CCDC85C: variants seen among roughly 807,000 people sequenced by gnomAD.
The protein encoded by CCDC85C is coiled-coil domain containing 85C.
Under a neutral mutation model 38.3 loss-of-function variants are expected in CCDC85C, and 18 were observed. The observed-to-expected ratio is 0.47, with a 90% CI of 0.33 to 0.70. CCDC85C has a LOEUF of 0.70. Among genes scored for constraint, CCDC85C ranks in the 30% least tolerant of loss-of-function variants. The pLI is 0.03. For missense variants in CCDC85C, 566 were observed against 621.2 expected, an observed-to-expected ratio of 0.91 and a Z score of 0.94; for synonymous variants, 264 against 293.8, an observed-to-expected ratio of 0.90 and a Z score of 1.04.
chr14:99,595,811 C>T (rs1255675029), intron 1 of CCDC85C, among the ~76,000 whole-genome samples: 3 of 152,238 alleles, frequency 2.0e-5, no homozygotes, highest in Non-Finnish European at 4.4e-5. Flanking sequence ...CATCCTGGGC[C>T]TGTTCCTTAG....
intron 1 of CCDC85C, among the ~76,000 whole-genome samples, chr14:99,562,678 G>A (rs1339099792): frequency 1.3e-5 from 2 of 152,126 alleles, no homozygotes; most frequent in Admixed American, 6.5e-5. Flanking sequence ...GGGTTCTCAC[G>A]GAAACAGAAG....
intron 2 of CCDC85C, among the ~76,000 whole-genome samples, chr14:99,526,414 G>T (rs1244878116): frequency 6.6e-6 from 1 of 152,226 alleles, no homozygotes; most frequent in East Asian, 1.9e-4. Flanking sequence ...GGCTGGGATG[G>T]GAGCCAGGTT....
At position 99,548,296 on chromosome 14, in the gene CCDC85C, T is replaced by C. The variant is rs1024664370; in HGVS notation, c.794-12208A>G. Among the ~76,000 whole-genome samples the C allele has an allele frequency of 1.3e-5, 2 of 151,764 alleles. No homozygotes were observed. Among genetic ancestry groups the C allele is most frequent in the African/African-American group, 4.8e-5 (2 of 41,312 alleles). On this transcript the variant is annotated intron_variant, in intron 1 of 5. Coordinates refer to ENST00000380243, the MANE Select transcript of CCDC85C (RefSeq NM_001144995.2). The surrounding 1 kb of genome is among the most constrained non-coding windows in gnomAD (Gnocchi z 4.9). ...ACGAATCCTGGATAGCCAAGAAGTCTGTGAGGAGACGCCCAACCGCAGGTG... is the reference window on the plus strand; with the variant it reads ...ACGAATCCTGGATAGCCAAGAAGTCCGTGAGGAGACGCCCAACCGCAGGTG...
chr14:99,546,251 C>T (rs114466979), intron 1 of CCDC85C, among the ~76,000 whole-genome samples: 1,584 of 152,042 alleles, frequency 0.01, 31 homozygotes, highest in African/African-American at 0.035. Context: ...GATGCCCTGC[C>T]CCCACAGCTC....
rs1266411953 is a variant in CCDC85C, at chr14:99,603,047, G to A, written c.793+120C>T. ...CCTGGCCCAGGATCCATGACAGCTG[G>A]AGGAGTCTGGAGTGGCGGCCGCATG... On this transcript the variant is annotated intron_variant, in intron 1 of 5. Transcript: ENST00000380243. This position sits in a 1 kb window ranked among gnomAD's most constrained non-coding sequence, Gnocchi z 7.5. The A allele has an allele frequency of 8.4e-7, 1 of 1,195,382 alleles. No homozygotes were observed. The highest frequency in any genetic ancestry group is 1.1e-6 in the Non-Finnish European group (1 of 948,322). 74.0% of individuals were successfully genotyped at this position (1,195,382 alleles called of 1,614,324 possible).
intron 1 of CCDC85C, among the ~76,000 whole-genome samples, chr14:99,543,511 A>T (rs966824410): frequency 6.6e-6 from 1 of 152,196 alleles, no homozygotes; most frequent in Non-Finnish European, 1.5e-5. Flanking sequence ...GGGGCAGAGA[A>T]CAGGGTGTGC....
rs1897233704 is a variant in CCDC85C at position 99,516,828 on chromosome 14, G to A, written c.1071+260C>T. 6.6e-6 allele frequency among the ~76,000 whole-genome samples: 1 copy of A among 152,072 alleles called. No individual in the cohort carries two copies. The highest frequency in any genetic ancestry group is 2.4e-5 in the African/African-American group (1 of 41,380). Reference sequence around the variant, plus strand: ...TGCCCCTCTCTCTCTGGCCTTAGTTGGGTGCCTGCCCTCCCCGACCCCAGG... The same window carrying A: ...TGCCCCTCTCTCTCTGGCCTTAGTTAGGTGCCTGCCCTCCCCGACCCCAGG... On this transcript the variant is annotated intron_variant, in intron 4 of 5. Coordinates refer to ENST00000380243, the MANE Select transcript of CCDC85C (RefSeq NM_001144995.2). This position sits in a 1 kb window ranked among gnomAD's most constrained non-coding sequence, Gnocchi z 5.5.
chr14:99,538,901 C>G (rs1374926785), intron 1 of CCDC85C, among the ~76,000 whole-genome samples: 2 of 152,158 alleles, frequency 1.3e-5, no homozygotes, highest in African/African-American at 4.8e-5. Context: ...CCATAGCCAG[C>G]ACCTCACCTC....
At chr14:99,517,928 G>A (rs1486902215) in intron 3 of CCDC85C, among the ~76,000 whole-genome samples, 2 of 152,208 alleles carry the variant, frequency 1.3e-5, no homozygotes, top group African/African-American at 2.4e-5. Context: ...AGAGGCTTGG[G>A]AGGAACTTAC....
At chr14:99,537,065 T>C (rs946858592) in intron 1 of CCDC85C, among the ~76,000 whole-genome samples, 4 of 152,098 alleles carry the variant, frequency 2.6e-5, no homozygotes, top group African/African-American at 9.7e-5. Context: ...GAAGCAAGGC[T>C]GTCCCAAGTA....
chr14:99,503,081 C>T lies in CCDC85C; in HGVS notation c.*12165G>A, dbSNP rs189193359. ...ATTTCTAAGCGAGCACAGGGAACAC[C>T]GGAAGCAGGGGGTGTTCGCCGAAAC... On this transcript the variant is annotated 3_prime_UTR_variant, in exon 6 of 6. Transcript: ENST00000380243. 1.4e-5 allele frequency: 19 copies of T among 1,364,512 alleles called. No homozygotes were observed. Among genetic ancestry groups the T allele is most frequent in the Admixed American group, 5.0e-5 (3 of 59,660 alleles). 84.5% of individuals were successfully genotyped at this position (1,364,512 alleles called of 1,614,324 possible).
intron 1 of CCDC85C, among the ~76,000 whole-genome samples, chr14:99,541,355 G>C (rs1293779838): frequency 6.6e-6 from 1 of 152,238 alleles, no homozygotes; most frequent in Admixed American, 6.5e-5. Flanking sequence ...ACAGGGGGCA[G>C]AGCATCCTGG....
chr14:99,515,679 G>A (rs1343377063), intron 5 of CCDC85C, among the ~76,000 whole-genome samples: 2 of 152,020 alleles, frequency 1.3e-5, no homozygotes, highest in Non-Finnish European at 1.5e-5. Context: ...CTCCTTCCCC[G>A]ATGGCTCCTG....
At chr14:99,566,010 C>G (rs145632379) in intron 1 of CCDC85C, among the ~76,000 whole-genome samples, 1 of 152,346 alleles carries the variant, frequency 6.6e-6, no homozygotes, top group Non-Finnish European at 1.5e-5. Flanking sequence ...GCCGAAATGT[C>G]CTGGGCACCG....
rs1897170726 is a variant in CCDC85C, at chr14:99,513,439, C to A, written c.*1807G>T. 6.6e-6 allele frequency: 1 copy of A among 152,302 alleles called. No homozygotes were observed. Among genetic ancestry groups the A allele is most frequent in the Admixed American group, 6.5e-5 (1 of 15,290 alleles). The allele number at this position is 152,302 out of a possible 1,614,324, so 9.4% of individuals were successfully genotyped here. On this transcript the variant is annotated 3_prime_UTR_variant, in exon 6 of 6. Coordinates refer to ENST00000380243, the MANE Select transcript of CCDC85C (RefSeq NM_001144995.2). ...GGGAGCGCACCACCTGACCGGGCGA[C>A]ACTCCTTCCCAAAGAGCCTCCTGGC...
intron 1 of CCDC85C, among the ~76,000 whole-genome samples, chr14:99,553,411 C>A (rs904965917): frequency 6.6e-6 from 1 of 152,110 alleles, no homozygotes; most frequent in Non-Finnish European, 1.5e-5. Flanking sequence ...GTCGCCCAGG[C>A]TGGAATGCAA....
intron 3 of CCDC85C, among the ~76,000 whole-genome samples, chr14:99,518,378 GC>G (rs926363422): frequency 1.2e-4 from 18 of 152,154 alleles, no homozygotes; most frequent in Non-Finnish European, 1.9e-4. Flanking sequence ...GGCCCCCCGA[GC>G]CCTGGGGTCT....
At chr14:99,522,580 G>T (rs1348147034) in intron 2 of CCDC85C, 2 of 207,860 alleles carry the variant, frequency 9.6e-6, no homozygotes, top group Non-Finnish European at 2.0e-5. Context: ...TGGCTCCTCC[G>T]CTCCAACTTC....
rs570144396 is a variant in CCDC85C at position 99,516,378 on chromosome 14, C to T, written c.1072-92G>A. 1.1e-3 allele frequency: 994 copies of T among 935,800 alleles called. 15 individuals carry two copies. In the South Asian group the frequency reaches 0.013, roughly 12 times the overall value. 58.0% of individuals were successfully genotyped at this position (935,800 alleles called of 1,614,324 possible). On this transcript the variant is annotated intron_variant, in intron 4 of 5. Coordinates refer to ENST00000380243, the MANE Select transcript of CCDC85C (RefSeq NM_001144995.2). This position sits in a 1 kb window ranked among gnomAD's most constrained non-coding sequence, Gnocchi z 5.5. Reference sequence around the variant, plus strand: ...CCCTGATCCTCAGCCTCCCCTGCTGCGAACCAAAGCTGAGGACCCTGAGCC... The same window carrying T: ...CCCTGATCCTCAGCCTCCCCTGCTGTGAACCAAAGCTGAGGACCCTGAGCC...
Sources: allele counts gnomAD v4.1 joint callset (sites outside exome capture counted in the v4.1 genomes callset), GRCh38; gene constraint gnomAD v4.1.1; non-coding constraint Gnocchi (gnomAD v3.1); transcripts MANE v1.5; gene names NCBI Gene and HGNC (gene_info 2026-07-23, HGNC 2026-07-21).